The following LMBRD2 variants were observed in gnomAD, a reference collection of about 807,000 sequenced individuals.
LMBRD2 encodes LMBR1 domain containing 2.
A neutral mutation model predicts 94.4 loss-of-function variants in LMBRD2; 55 were observed. The observed-to-expected ratio is 0.58, with a 90% confidence interval of 0.47 to 0.73. The LOEUF (loss-of-function observed/expected upper bound fraction) is 0.73, where lower values mean the gene tolerates loss of function less well. LMBRD2 is among the 30% of genes least tolerant of loss of function. The pLI is 0.00. For synonymous variants in LMBRD2, 246 were observed against 272.4 expected (o/e 0.90, Z 0.95); for missense variants, 640 against 831.9 (o/e 0.77, Z 2.84).
intron 11 of LMBRD2, 96 bp downstream of exon 11, chr5:36,116,364 G>A (rs1189968310): frequency 6.6e-6 from 7 of 1,067,700 alleles, no homozygotes; most frequent in Middle Eastern, 2.9e-4. Context: ...AAATATAGAT[G>A]TTAGTGGAAC....
chr5:36,133,835 C>A (rs957267409), intron 6 of LMBRD2, among the ~76,000 whole-genome samples: 6 of 152,056 alleles, frequency 3.9e-5, no homozygotes, highest in Non-Finnish European at 5.9e-5. Context: ...ATAACAACAA[C>A]AAAATCTATT....
At chr5:36,116,920 C>T (rs531557360) in intron 10 of LMBRD2, among the ~76,000 whole-genome samples, 23 of 152,162 alleles carry the variant, frequency 1.5e-4, no homozygotes, top group Non-Finnish European at 2.4e-4. Context: ...ATGATCCATT[C>T]GCCTTCGCCT....
intron 6 of LMBRD2, among the ~76,000 whole-genome samples, chr5:36,133,868 T>C (rs1397551020): frequency 6.6e-6 from 1 of 152,148 alleles, no homozygotes; most frequent in Non-Finnish European, 1.5e-5. Flanking sequence ...CAAAGCTTCC[T>C]CTAGGGAAAA....
intron 4 of LMBRD2, among the ~76,000 whole-genome samples, chr5:36,138,534 G>T (rs1246612168): frequency 6.6e-6 from 1 of 152,188 alleles, no homozygotes; most frequent in South Asian, 2.1e-4. Context: ...CAGAATCATG[G>T]TTACTTCTGG....
intron 1 of LMBRD2, among the ~76,000 whole-genome samples, chr5:36,144,441 G>A (rs986337014): frequency 2.6e-5 from 4 of 152,186 alleles, no homozygotes; most frequent in Admixed American, 6.5e-5. Flanking sequence ...CTAGCACTTC[G>A]GGAGGCTAAG....
intron 16 of LMBRD2, among the ~76,000 whole-genome samples, chr5:36,107,232 C>G (rs968304888): frequency 9.2e-5 from 14 of 152,128 alleles, no homozygotes; most frequent in African/African-American, 3.4e-4. Flanking sequence ...GAAATTCCCC[C>G]CTATCTGTTC....
chr5:36,143,424 G>T lies in LMBRD2; in HGVS notation c.-57-18C>A. The T allele has an allele frequency of 3.7e-6, 4 of 1,076,864 alleles. No homozygotes were observed. The highest frequency in any genetic ancestry group is 1.8e-5 in the South Asian group (1 of 54,782). 66.7% of individuals were successfully genotyped at this position (1,076,864 alleles called of 1,614,324 possible). A position where few individuals can be genotyped will look rare whatever the true frequency, so the allele number is the denominator to read the frequency against. On this transcript the variant is annotated intron_variant, in intron 1 of 17. Coordinates refer to ENST00000296603, the MANE Select transcript of LMBRD2 (RefSeq NM_001007527.2). ...GACCATATCTATAAAGTAAAAAGAA[G>T]GTTAAAATGCATCATTAACACAGGA...
At chr5:36,108,230 G>A (rs1050914839) in intron 16 of LMBRD2, among the ~76,000 whole-genome samples, 1 of 152,052 alleles carries the variant, frequency 6.6e-6, no homozygotes, top group Admixed American at 6.6e-5. Flanking sequence ...AAACATCAAG[G>A]TAAGTTGTAG....
intron 4 of LMBRD2, among the ~76,000 whole-genome samples, chr5:36,140,266 T>C (rs1006921929): frequency 6.6e-6 from 1 of 152,250 alleles, no homozygotes; most frequent in African/African-American, 2.4e-5. Context: ...CCAGCGTGTC[T>C]GGCTGTGCTC....
Position 36,111,213 on chromosome 5 carries a change from C to T in LMBRD2, c.1686G>A (p.Met562Ile), listed in dbSNP as rs200624990. The T allele has an allele frequency of 1.1e-5, 18 of 1,612,206 alleles. No individual in the cohort carries two copies. The East Asian group carries it at 3.6e-4, about 32-fold the overall frequency. ...AGTCTGATGTCATATCATCATCTCCCATAAACTGCTGGAAACCGAGCAGAT... is the reference window on the plus strand; with the variant it reads ...AGTCTGATGTCATATCATCATCTCCTATAAACTGCTGGAAACCGAGCAGAT... ...CLNLLGFQQF[M>I]GDDDMTSDLV... Residue 562 changes from methionine to isoleucine, a missense_variant, in exon 14 of 18, where the codon ATG (methionine) becomes ATA (isoleucine). Transcript: ENST00000296603.
chr5:36,136,495 T>C lies in LMBRD2; in HGVS notation c.561A>G (p.Ile187Met). The C allele has an allele frequency of 1.2e-6, 2 of 1,614,022 alleles. No individual in the cohort carries two copies. Among genetic ancestry groups the C allele is most frequent in the South Asian group, 2.2e-5 (2 of 91,086 alleles). The change falls in exon 6 of 18, where the codon ATA (isoleucine) becomes ATG (methionine). Residue 187 changes from isoleucine (I) to methionine (M), a missense_variant. By Grantham distance (10) the Ile-to-Met change is conservative. Coordinates refer to ENST00000296603, the MANE Select transcript of LMBRD2 (RefSeq NM_001007527.2). The stretch of plus-strand genomic sequence containing the variant: ...ACAGACCCCATGTATTTGCAGCAGC[T>C]ATCCCAATTGTCTGAAGCTGGTTCC... Reference protein sequence around the residue: ...LEWNQLQTIGIAAANTWGLFL... With the variant: ...LEWNQLQTIGMAAANTWGLFL...
At position 36,143,411 on chromosome 5, in the gene LMBRD2, A is replaced by G; in HGVS notation, c.-57-5T>C. On this transcript the variant is annotated splice_polypyrimidine_tract_variant and splice_region_variant and intron_variant, in intron 1 of 17. Coordinates refer to ENST00000296603, the MANE Select transcript of LMBRD2 (RefSeq NM_001007527.2). ...ATGTACAGGTCTGGACCATATCTAT[A>G]AAGTAAAAAGAAGGTTAAAATGCAT... 2.3e-6 allele frequency: 3 copies of G among 1,294,556 alleles called. No individual in the cohort carries two copies. The highest frequency in any genetic ancestry group is 3.2e-6 in the Non-Finnish European group (3 of 941,612). 80.2% of individuals were successfully genotyped at this position (1,294,556 alleles called of 1,614,324 possible).
intron 13 of LMBRD2, among the ~76,000 whole-genome samples, chr5:36,111,677 A>C (rs117927192): frequency 0.012 from 1,878 of 152,116 alleles, 25 homozygotes; most frequent in East Asian, 0.072. Flanking sequence ...CTTATATCTT[A>C]TTTGCTATTT....
chr5:36,144,024 A>G (rs919655540), intron 1 of LMBRD2, among the ~76,000 whole-genome samples: 3 of 152,152 alleles, frequency 2.0e-5, no homozygotes, highest in African/African-American at 7.2e-5. Flanking sequence ...ATCTACATAA[A>G]TCTTTAAACT....
rs367611212 is a variant in LMBRD2, at chr5:36,134,201, A to G, written c.747+2108T>C. Among the ~76,000 whole-genome samples the G allele has an allele frequency of 2.2e-4, 34 of 152,176 alleles. 1 individual carries two copies. Among genetic ancestry groups the G allele is most frequent in the East Asian group, 1.5e-3 (8 of 5,202 alleles). On this transcript the variant is annotated intron_variant, in intron 6 of 17. Transcript: ENST00000296603. ...AGGAAATTTATTCATTTCAATTTAAATAATACTATTTACAGACTCACTCCT... is the reference window on the plus strand; with the variant it reads ...AGGAAATTTATTCATTTCAATTTAAGTAATACTATTTACAGACTCACTCCT...
At chr5:36,117,349 A>G (rs1485231767) in intron 10 of LMBRD2, among the ~76,000 whole-genome samples, 1 of 152,078 alleles carries the variant, frequency 6.6e-6, no homozygotes, top group Admixed American at 6.6e-5. Context: ...ATGGTGGTGC[A>G]TGGCTGTAGG....
At position 36,122,757 on chromosome 5, in the gene LMBRD2, C is replaced by T. The variant is rs1036071285; in HGVS notation, c.936+91G>A. On this transcript the variant is annotated intron_variant, in intron 8 of 17. Coordinates refer to ENST00000296603, the MANE Select transcript of LMBRD2 (RefSeq NM_001007527.2). ...GGGATTAAAGGAAGTTTTAAATACA[C>T]ATTCACTAAAAATTCCTTTTTTTAT... The T allele has an allele frequency of 4.2e-6, 6 of 1,414,800 alleles. No homozygotes were observed. The African/African-American group carries it at 9.0e-5, about 21-fold the overall frequency. The allele number at this position is 1,414,800 out of a possible 1,614,324, so 87.6% of individuals were successfully genotyped here. A position where few individuals can be genotyped will look rare whatever the true frequency, so the allele number is the denominator to read the frequency against.
chr5:36,131,073 T>C (rs191351134), intron 6 of LMBRD2, among the ~76,000 whole-genome samples: 4 of 152,198 alleles, frequency 2.6e-5, no homozygotes, highest in Admixed American at 6.5e-5. Flanking sequence ...TAGACACTCA[T>C]GCAAAAATCC....
chr5:36,149,883 G>C (rs974592940), intron 1 of LMBRD2, among the ~76,000 whole-genome samples: 9 of 151,966 alleles, frequency 5.9e-5, no homozygotes, highest in Admixed American at 5.9e-4. Flanking sequence ...CTCCAGCCTG[G>C]GCAATAAGAG....
Sources: gnomAD v4.1 joint callset for allele counts (sites outside exome capture counted in the v4.1 genomes callset) on GRCh38, gnomAD v4.1.1 for gene constraint, MANE v1.5 for transcripts, NCBI Gene and HGNC (gene_info 2026-07-23, HGNC 2026-07-21) for gene names.